The following CACNA2D3 variants were observed in gnomAD, a reference collection of about 807,000 sequenced individuals.
The protein encoded by CACNA2D3 is calcium voltage-gated channel auxiliary subunit alpha2delta 3.
Under a neutral mutation model 160.6 loss-of-function variants are expected in CACNA2D3, and 60 were observed. The observed-to-expected ratio is 0.37, with a 90% CI of 0.30 to 0.46. CACNA2D3 has a LOEUF of 0.46. Among genes scored for constraint, CACNA2D3 ranks in the 20% least tolerant of loss-of-function variants. The pLI is 1.00. For synonymous variants in CACNA2D3, 558 were observed against 492.9 expected, an observed-to-expected ratio of 1.13 and a Z score of -1.75; for missense variants, 1,205 against 1,365.0, an observed-to-expected ratio of 0.88 and a Z score of 1.85.
chr3:54,378,307 T>TC (rs1027799627), intron 3 of CACNA2D3, among the ~76,000 whole-genome samples: 32 of 152,314 alleles, frequency 2.1e-4, no homozygotes, highest in African/African-American at 7.0e-4. Context: ...GCAGCCTGGA[T>TC]CCCTTGCATG....
At chr3:54,656,026 G>A (rs1279351930) in intron 11 of CACNA2D3, among the ~76,000 whole-genome samples, 2 of 152,174 alleles carry the variant, frequency 1.3e-5, no homozygotes, top group Non-Finnish European at 2.9e-5. Context: ...GGGCAGATTA[G>A]TAGTGCCCAG....
Position 54,320,234 on chromosome 3 carries a change from G to T in CACNA2D3, c.205-208G>T, listed in dbSNP as rs539861606. On this transcript the variant is annotated intron_variant, in intron 2 of 37. Transcript: ENST00000474759. ...TATTCCTTTCCTGGGTGCTGGTTAA[G>T]TCTCCCAGGAGAGCCAGAGTCAGTT... Among the ~76,000 whole-genome samples, 16 of 152,338 alleles carry T rather than the reference G, an allele frequency of 1.1e-4. No individual in the cohort carries two copies. In the South Asian group the frequency reaches 2.7e-3, roughly 26 times the overall value.
intron 35 of CACNA2D3, among the ~76,000 whole-genome samples, chr3:55,032,918 T>A (rs1014513466): frequency 1.4e-4 from 17 of 121,912 alleles, no homozygotes; most frequent in African/African-American, 5.4e-4. Flanking sequence ...CCCAAGAGAA[T>A]AACTTTGTAA....
rs1333011477 is a variant in CACNA2D3 at position 54,302,160 on chromosome 3, T to C, written c.205-18282T>C. ...AATTTTATACCAAAGCTAGGTCCTT[T>C]AGCGACACATTCTCCTCTCACTGGT... On this transcript the variant is annotated intron_variant, in intron 2 of 37. Transcript: ENST00000474759. 2.0e-5 allele frequency among the ~76,000 whole-genome samples: 3 copies of C among 152,318 alleles called. No individual in the cohort carries two copies. In the East Asian group the frequency reaches 5.8e-4, roughly 29 times the overall value.
chr3:54,444,522 A>C (rs916587340), intron 4 of CACNA2D3, among the ~76,000 whole-genome samples: 1 of 152,160 alleles, frequency 6.6e-6, no homozygotes, highest in Non-Finnish European at 1.5e-5. Flanking sequence ...GCCTTTTCAT[A>C]AACTGCTCTA....
chr3:54,998,771 G>T (rs751485399), intron 31 of CACNA2D3, among the ~76,000 whole-genome samples: 11 of 149,946 alleles, frequency 7.3e-5, no homozygotes, highest in Non-Finnish European at 1.5e-4. Flanking sequence ...TTTTGAGATG[G>T]AGTCTTGCTC....
intron 27 of CACNA2D3, among the ~76,000 whole-genome samples, chr3:54,914,076 G>C (rs1162530456): frequency 2.6e-5 from 4 of 152,168 alleles, no homozygotes; most frequent in African/African-American, 9.7e-5. Context: ...ATCGTGTTGT[G>C]TTATCTATGC....
chr3:54,350,997 T>TTTTTTTTTG (rs1698553419), intron 3 of CACNA2D3, among the ~76,000 whole-genome samples: 1 of 120,998 alleles, frequency 8.3e-6, no homozygotes, highest in Non-Finnish European at 1.7e-5. Context: ...TTTTTTTTTT[T>TTTTTTTTTG]TTTTTTTTTG....
intron 2 of CACNA2D3, among the ~76,000 whole-genome samples, chr3:54,129,862 G>A (rs1699673879): frequency 6.6e-6 from 1 of 152,216 alleles, no homozygotes; most frequent in African/African-American, 2.4e-5. Context: ...AAAAATGGAT[G>A]CTGCTCATCA....
intron 2 of CACNA2D3, among the ~76,000 whole-genome samples, chr3:54,216,067 G>A (rs751808726): frequency 1.4e-4 from 22 of 152,078 alleles, no homozygotes; most frequent in Non-Finnish European, 2.9e-4. Flanking sequence ...GAGCGGCTGA[G>A]CCCTTTGAGA....
chr3:54,411,323 A>C (rs1699664518), intron 4 of CACNA2D3, among the ~76,000 whole-genome samples: 2 of 152,232 alleles, frequency 1.3e-5, no homozygotes, highest in Non-Finnish European at 2.9e-5. Context: ...CTATCAAACA[A>C]CATTGCATGC....
chr3:54,891,325 C>A, intron 24 of CACNA2D3, 30 bp from the exon 25 acceptor site: 3 of 1,520,564 alleles, frequency 2.0e-6, no homozygotes, highest in East Asian at 2.3e-5. Context: ...GTCTAGAGGC[C>A]TCCCCCTGAC....
intron 2 of CACNA2D3, among the ~76,000 whole-genome samples, chr3:54,129,510 C>T (rs59207684): frequency 0.28 from 42,582 of 152,052 alleles, 6,139 homozygotes; most frequent in Middle Eastern, 0.41. Context: ...ATAAACAACT[C>T]AGAAACCAAA....
intron 5 of CACNA2D3, among the ~76,000 whole-genome samples, chr3:54,561,950 A>G (rs1702332070): frequency 6.6e-6 from 1 of 152,220 alleles, no homozygotes; most frequent in African/African-American, 2.4e-5. Context: ...AAGAGAGCAT[A>G]TGTAGGGGAG....
intron 13 of CACNA2D3, among the ~76,000 whole-genome samples, chr3:54,770,957 G>GA (rs555893660): frequency 6.6e-6 from 1 of 151,806 alleles, no homozygotes; most frequent in African/African-American, 2.4e-5. Flanking sequence ...AAACTAGGGA[G>GA]AAAAAAAACA....
chr3:54,471,774 T>G (rs563094799), intron 4 of CACNA2D3, among the ~76,000 whole-genome samples: 1 of 152,138 alleles, frequency 6.6e-6, no homozygotes, highest in South Asian at 2.1e-4. Flanking sequence ...TATAAACACC[T>G]CTACACAAAT....
intron 4 of CACNA2D3, among the ~76,000 whole-genome samples, chr3:54,490,159 A>T (rs566192658): frequency 6.6e-6 from 1 of 152,356 alleles, no homozygotes; most frequent in South Asian, 2.1e-4. Flanking sequence ...CAATAAGGAA[A>T]AAAGGAGAAA....
intron 3 of CACNA2D3, among the ~76,000 whole-genome samples, chr3:54,323,467 T>C (rs6810291): frequency 0.14 from 16,152 of 116,062 alleles, 965 homozygotes; most frequent in South Asian, 0.25. Context: ...CTTTTTCTTT[T>C]CTTTTTTTTT....
intron 6 of CACNA2D3, among the ~76,000 whole-genome samples, chr3:54,563,554 G>A (rs113664633): frequency 0.017 from 2,610 of 152,266 alleles, 39 homozygotes; most frequent in Middle Eastern, 0.041. Context: ...GCCTTCCCAG[G>A]CCTCTGCTTT....
Sources: allele counts gnomAD v4.1 joint callset (sites outside exome capture counted in the v4.1 genomes callset), GRCh38; gene constraint gnomAD v4.1.1; transcripts MANE v1.5; gene names NCBI Gene and HGNC (gene_info 2026-07-23, HGNC 2026-07-21).